Variants in FNIP1 observed in about 807,000 individuals in gnomAD.
The protein encoded by FNIP1 is folliculin interacting protein 1, also known as folliculin-interacting protein 1.
FNIP1 carries 40 observed loss-of-function variants against 124.5 expected under a neutral mutation model. The ratio of observed to expected loss-of-function variants is 0.32; its 90% CI spans 0.25 to 0.42. The LOEUF (loss-of-function observed/expected upper bound fraction) is 0.42, where lower values mean the gene tolerates loss of function less well. Among genes scored for constraint, FNIP1 ranks in the 10% least tolerant of loss-of-function variants. The pLI is 1.00. For synonymous variants in FNIP1, 472 were observed against 470.6 expected, an observed-to-expected ratio of 1.00 and a Z score of -0.04; for missense variants, 1,176 against 1,403.7, an observed-to-expected ratio of 0.84 and a Z score of 2.59.
At position 131,698,951 on chromosome 5, in the gene FNIP1, A is replaced by G; in HGVS notation, c.1168T>C (p.Tyr390His). 1.2e-6 allele frequency: 2 copies of G among 1,612,080 alleles called. No homozygotes were observed. Among genetic ancestry groups the G allele is most frequent in the Non-Finnish European group, 1.7e-6 (2 of 1,179,372 alleles). The change falls in exon 11 of 18, where the codon TAT (tyrosine) becomes CAT (histidine). Residue 390 changes from tyrosine to histidine, a missense_variant. By Grantham distance (83) the Tyr-to-His change is moderately conservative (BLOSUM62 2). Transcript: ENST00000510461. Reference protein sequence around the residue: ...SADASQRSLAYNRIVDALNEF... With the variant: ...SADASQRSLAHNRIVDALNEF... ...TTTAGGGCATCAACTATTCGATTAT[A>G]TGCCAAACTTCTCTGACTGGCATCA...
intron 17 of FNIP1, among the ~76,000 whole-genome samples, chr5:131,646,422 A>C (rs915809889): frequency 6.6e-5 from 10 of 152,222 alleles, no homozygotes; most frequent in Admixed American, 1.3e-4. Flanking sequence ...GTTCTCAGTG[A>C]TATTGGTTTC....
At chr5:131,794,835 A>C (rs747076132) in intron 1 of FNIP1, among the ~76,000 whole-genome samples, 1 of 152,254 alleles carries the variant, frequency 6.6e-6, no homozygotes, top group Non-Finnish European at 1.5e-5. Flanking sequence ...CAAGACTATG[A>C]CAGAAAGTAT....
At chr5:131,759,253 G>A (rs959851574) in intron 1 of FNIP1, among the ~76,000 whole-genome samples, 5 of 152,060 alleles carry the variant, frequency 3.3e-5, no homozygotes, top group Non-Finnish European at 7.4e-5. Flanking sequence ...TGACAAGTGG[G>A]ACCTAATTAA....
At position 131,731,007 on chromosome 5, in the gene FNIP1, A is replaced by C. The variant is rs762265026; in HGVS notation, c.251T>G (p.Phe84Cys). 6.2e-7 allele frequency: 1 copy of C among 1,613,350 alleles called. No individual in the cohort carries two copies. The highest frequency in any genetic ancestry group is 1.1e-5 in the South Asian group (1 of 90,982). Residue 84 changes from phenylalanine (F) to cysteine (C), a missense_variant, in exon 3 of 18, where the codon TTT (phenylalanine) becomes TGT (cysteine). Phe to Cys is a radical substitution (Grantham distance 205, BLOSUM62 -2). This residue lies in a region of FNIP1 where 1,109 missense variants were observed against 1,288.5 expected (regional missense o/e 0.86). Coordinates refer to ENST00000510461, the MANE Select transcript of FNIP1 (RefSeq NM_133372.3). Reference sequence around the variant, plus strand: ...AGGTTTCAGTTGGCAGCATTTCCCAAAGACTTTAACTTGAGCATCACTGCC... The same window carrying C: ...AGGTTTCAGTTGGCAGCATTTCCCACAGACTTTAACTTGAGCATCACTGCC... The part of the protein sequence containing the change: ...KLGSDAQVKV[F>C]GKCCQLKPGG...
intron 15 of FNIP1, among the ~76,000 whole-genome samples, chr5:131,667,250 T>G (rs1362271637): frequency 6.6e-6 from 1 of 152,246 alleles, no homozygotes; most frequent in Admixed American, 6.5e-5. Flanking sequence ...TTTTTCTTTT[T>G]CATACATATA....
At chr5:131,762,584 A>G (rs191344884) in intron 1 of FNIP1, among the ~76,000 whole-genome samples, 12 of 152,336 alleles carry the variant, frequency 7.9e-5, no homozygotes, top group Middle Eastern at 3.4e-3. Context: ...CTTTTATCCA[A>G]AATACAAGCA....
In FNIP1 at chr5:131,672,261, A is replaced by G; in HGVS notation, c.2183T>C (p.Val728Ala). ...TGKAMRSTGM[V>A]VEKKPPDKIV... Reference sequence around the variant, plus strand: ...CTTATCTGGAGGTTTTTTTTCCACAACCATTCCTGTGGATCTCATTGCTTT... The same window carrying G: ...CTTATCTGGAGGTTTTTTTTCCACAGCCATTCCTGTGGATCTCATTGCTTT... Residue 728 changes from valine (V) to alanine (A), a missense_variant, in exon 14 of 18, where the codon GTT (valine) becomes GCT (alanine). By Grantham distance (64) the Val-to-Ala change is moderately conservative. Around this residue, in one of 2 missense-constraint regions of FNIP1, gnomAD observed 1,109 missense variants for 1,288.5 expected, o/e 0.86. Coordinates refer to ENST00000510461, the MANE Select transcript of FNIP1 (RefSeq NM_133372.3). 6.2e-7 allele frequency: 1 copy of G among 1,614,114 alleles called. No individual in the cohort carries two copies. The highest frequency in any genetic ancestry group is 1.1e-5 in the South Asian group (1 of 91,074).
intron 4 of FNIP1, 47 bp downstream of exon 4, chr5:131,719,270 A>G (rs768242267): frequency 3.2e-6 from 5 of 1,547,318 alleles, no homozygotes; most frequent in East Asian, 4.5e-5. Context: ...AAAAACGAAA[A>G]TATCTAAAAA....
chr5:131,713,566 T>C (rs1375460935), intron 6 of FNIP1, among the ~76,000 whole-genome samples: 1 of 142,924 alleles, frequency 7.0e-6, no homozygotes, highest in Non-Finnish European at 1.6e-5. Flanking sequence ...GAGAATACCC[T>C]ACAATATACC....
intron 9 of FNIP1, among the ~76,000 whole-genome samples, chr5:131,705,010 G>T (rs1398081098): frequency 6.6e-6 from 1 of 151,846 alleles, no homozygotes; most frequent in Non-Finnish European, 1.5e-5. Flanking sequence ...CCCACAGAAT[G>T]TAAAAAAAAT....
chr5:131,781,140 T>C (rs1771980892), intron 1 of FNIP1, among the ~76,000 whole-genome samples: 1 of 152,158 alleles, frequency 6.6e-6, no homozygotes, highest in Admixed American at 6.5e-5. Context: ...CAAAGCCTAA[T>C]CCAGGGCAAG....
rs70974003 is a variant in FNIP1, at chr5:131,658,907, CAAAAA to C, written c.3109-6913_3109-6909del. Among the ~76,000 whole-genome samples the C allele has an allele frequency of 4.4e-4, 18 of 41,162 alleles. No individual in the cohort carries two copies. The East Asian group carries it at 5.3e-3, about 12-fold the overall frequency. 27.0% of individuals were successfully genotyped at this position (41,162 alleles called of 152,430 possible). A position where few individuals can be genotyped will look rare whatever the true frequency, so the allele number is the denominator to read the frequency against. ...CCAGTTTTTAAATCCTGGGTCTAGCCAAAAAAAAAAAAAAAAAAAAAAAAAAAAAT... is the reference window on the plus strand; with the variant it reads ...CCAGTTTTTAAATCCTGGGTCTAGCCAAAAAAAAAAAAAAAAAAAAAAAAT... On this transcript the variant is annotated intron_variant, in intron 15 of 17. Transcript: ENST00000510461.
At chr5:131,671,135 T>C (rs1293323361) in intron 14 of FNIP1, among the ~76,000 whole-genome samples, 1 of 152,232 alleles carries the variant, frequency 6.6e-6, no homozygotes, top group Admixed American at 6.5e-5. Flanking sequence ...GTTTTCCTCT[T>C]AGTCTTGGCC....
At chr5:131,752,008 T>C (rs1356029560) in intron 1 of FNIP1, among the ~76,000 whole-genome samples, 1 of 152,076 alleles carries the variant, frequency 6.6e-6, no homozygotes, top group Non-Finnish European at 1.5e-5. Flanking sequence ...TCAGCAATAA[T>C]AAAAAAGGCT....
chr5:131,679,057 A>G lies in FNIP1; in HGVS notation c.1321T>C (p.Phe441Leu). Residue 441 changes from phenylalanine (F) to leucine (L), a missense_variant, in exon 12 of 18, where the codon TTT (phenylalanine) becomes CTT (leucine). Physicochemically the swap from Phe to Leu is conservative, Grantham distance 22 (BLOSUM62 0). This residue lies in a region of FNIP1 where 1,109 missense variants were observed against 1,288.5 expected (regional missense o/e 0.86). Coordinates refer to ENST00000510461, the MANE Select transcript of FNIP1 (RefSeq NM_133372.3). ...LCYRFMKEFT[F>L]LMENASKNQF... ...TTTTTGGAAGCATTTTCCATTAGAAAGGTGAACTCCTTCATGAAACGATAG... is the reference window on the plus strand; with the variant it reads ...TTTTTGGAAGCATTTTCCATTAGAAGGGTGAACTCCTTCATGAAACGATAG... The G allele has an allele frequency of 1.2e-6, 2 of 1,610,322 alleles. No homozygotes were observed. Among genetic ancestry groups the G allele is most frequent in the East Asian group, 4.5e-5 (2 of 44,730 alleles).
intron 11 of FNIP1, among the ~76,000 whole-genome samples, chr5:131,691,182 C>T (rs937045160): frequency 4.6e-5 from 7 of 152,040 alleles, no homozygotes; most frequent in African/African-American, 1.4e-4. Flanking sequence ...AACTAGAAAT[C>T]AGTAAGAAAA....
intron 1 of FNIP1, among the ~76,000 whole-genome samples, chr5:131,760,507 T>C (rs1464854360): frequency 1.3e-5 from 2 of 152,178 alleles, no homozygotes; most frequent in African/African-American, 4.8e-5. Context: ...TACCCTTATT[T>C]CCATTTGACC....
At chr5:131,752,914 A>T (rs1047292485) in intron 1 of FNIP1, among the ~76,000 whole-genome samples, 8 of 152,262 alleles carry the variant, frequency 5.3e-5, no homozygotes, top group South Asian at 2.1e-4. Context: ...ACTAAAAAAA[A>T]ATATAAAATT....
intron 1 of FNIP1, among the ~76,000 whole-genome samples, chr5:131,784,154 A>G (rs1444364574): frequency 1.3e-5 from 2 of 152,210 alleles, no homozygotes; most frequent in African/African-American, 4.8e-5. Context: ...CCAAAAAAGG[A>G]CATATCCAGG....
Sources: gnomAD v4.1 joint callset for allele counts (sites outside exome capture counted in the v4.1 genomes callset) on GRCh38, gnomAD v4.1.1 for gene constraint, gnomAD v4.1.1 regional missense constraint, MANE v1.5 for transcripts, NCBI Gene and HGNC (gene_info 2026-07-23, HGNC 2026-07-21) for gene names.